Variants in CDH22 observed in about 807,000 individuals in gnomAD.
CDH22 encodes cadherin 22.
CDH22 carries 30 observed loss-of-function variants against 58.4 expected under a neutral mutation model. The ratio of observed to expected loss-of-function variants is 0.51; its 90% CI spans 0.38 to 0.70. CDH22 has a LOEUF of 0.70. Ranked by LOEUF, CDH22 falls within the 30% of genes least tolerant of loss-of-function variation. The pLI is 0.00. For synonymous variants in CDH22, 513 were observed against 558.2 expected (o/e 0.92, Z 1.14); for missense variants, 1,014 against 1,233.9 (o/e 0.82, Z 2.67).
Position 46,241,086 on chromosome 20 carries a change from C to T in CDH22, c.427G>A (p.Ala143Thr), listed in dbSNP as rs972504580. Residue 143 changes from alanine (A) to threonine (T), a missense_variant, in exon 3 of 12, where the codon GCC (alanine) becomes ACC (threonine). Physicochemically the swap from Ala to Thr is moderately conservative, Grantham distance 58. Around this residue, in one of 2 missense-constraint regions of CDH22, gnomAD observed 806 missense variants for 1,038.7 expected, o/e 0.78. Transcript: ENST00000537909. The surrounding 1 kb of genome is among the most constrained non-coding windows in gnomAD (Gnocchi z 5.2). ...TCGGGCTCCAGTAGGCGGTTGGTGGCGCGATCCCGAGCCTGGGCCCGCAGC... is the reference window on the plus strand; with the variant it reads ...TCGGGCTCCAGTAGGCGGTTGGTGGTGCGATCCCGAGCCTGGGCCCGCAGC... The part of the protein sequence containing the change: ...YTLRAQARDR[A>T]TNRLLEPESE... 27 of 1,614,042 alleles carry T rather than the reference C, an allele frequency of 1.7e-5. No homozygotes were observed. Among genetic ancestry groups the T allele is most frequent in the African/African-American group, 6.7e-5 (5 of 74,928 alleles).
In CDH22 at chr20:46,269,673, G is replaced by A. The variant is rs1033967782; in HGVS notation, c.-399-17980C>T. Among the ~76,000 whole-genome samples the A allele has an allele frequency of 1.2e-4, 19 of 152,296 alleles. 1 individual carries two copies. Among genetic ancestry groups the A allele is most frequent in the African/African-American group, 3.4e-4 (14 of 41,562 alleles). On this transcript the variant is annotated intron_variant, in intron 1 of 11. Coordinates refer to ENST00000537909, the MANE Select transcript of CDH22 (RefSeq NM_021248.3). Reference sequence around the variant, plus strand: ...TCCACGTGGCCCGTTGTGGGTGGTTGAGCAGACAGAGGATGCCAAGAGGAG... The same window carrying A: ...TCCACGTGGCCCGTTGTGGGTGGTTAAGCAGACAGAGGATGCCAAGAGGAG...
At chr20:46,240,924 C>T in intron 3 of CDH22, 39 bp downstream of exon 3, 1 of 1,568,486 alleles carries the variant, frequency 6.4e-7, no homozygotes. Context: ...TTGGGGATCA[C>T]CTTGATCCCA....
chr20:46,259,313 G>C (rs1275092736), intron 1 of CDH22, among the ~76,000 whole-genome samples: 1 of 152,096 alleles, frequency 6.6e-6, no homozygotes, highest in Non-Finnish European at 1.5e-5. Context: ...GAACTACTAG[G>C]TACCAAGTTC....
chr20:46,277,144 G>GAA (rs11354476), intron 1 of CDH22, among the ~76,000 whole-genome samples: 3 of 130,500 alleles, frequency 2.3e-5, no homozygotes, highest in Non-Finnish European at 3.4e-5. Context: ...CACCTCTAAA[G>GAA]AAAAAAAAAA....
chr20:46,214,921 G>C (rs1449387958), intron 5 of CDH22, among the ~76,000 whole-genome samples: 2 of 152,394 alleles, frequency 1.3e-5, no homozygotes, highest in African/African-American at 2.4e-5. Flanking sequence ...GTGCCTGGCA[G>C]AATGCCAGGC....
rs774411837 is a variant in CDH22, at chr20:46,241,174, G to A, written c.339C>T (p.Asp113=). The A allele has an allele frequency of 1.5e-5, 24 of 1,614,132 alleles. No homozygotes were observed. The highest frequency in any genetic ancestry group is 8.0e-5 in the African/African-American group (6 of 75,050). ...TGGCATGAATGTCGCCTGTCAGCTC[G>A]TCGATCAGGAAGATGGTCCCAGCAC... The part of the protein sequence containing the change: ...GEGAGTIFLI[D]ELTGDIHAME... Residue 113 remains aspartate, a synonymous_variant, in exon 3 of 12, where the codon GAC becomes GAT. Transcript: ENST00000537909. The surrounding 1 kb of genome is among the most constrained non-coding windows in gnomAD (Gnocchi z 5.2).
Position 46,210,261 on chromosome 20 carries a change from G to A in CDH22, c.1286+46C>T. ...CCCGCAGTCTGTCCGCGGGGGTGAT[G>A]GCGGGATAGCAGGCAGCAGGCGTCG... On this transcript the variant is annotated intron_variant, in intron 7 of 11. Transcript: ENST00000537909. The surrounding 1 kb of genome is among the most constrained non-coding windows in gnomAD (Gnocchi z 4.5). 2.2e-6 allele frequency: 3 copies of A among 1,366,638 alleles called. No homozygotes were observed. Among genetic ancestry groups the A allele is most frequent in the Non-Finnish European group, 2.8e-6 (3 of 1,065,124 alleles). 84.7% of individuals were successfully genotyped at this position (1,366,638 alleles called of 1,614,324 possible).
chr20:46,231,410 G>A (rs1343312840), intron 3 of CDH22, among the ~76,000 whole-genome samples: 2 of 152,202 alleles, frequency 1.3e-5, no homozygotes, highest in Non-Finnish European at 2.9e-5. Flanking sequence ...GACTCTTGGG[G>A]AGGAGCCCAG....
intron 1 of CDH22, among the ~76,000 whole-genome samples, chr20:46,299,198 C>T (rs114211872): frequency 6.1e-4 from 93 of 152,292 alleles, no homozygotes; most frequent in African/African-American, 2.0e-3. Flanking sequence ...CCCTGGTCAA[C>T]GGGGCAACCA....
rs150822018 is a variant in CDH22 at position 46,179,212 on chromosome 20, C to T, written c.1664-1015G>A. On this transcript the variant is annotated intron_variant, in intron 10 of 11. Transcript: ENST00000537909. The stretch of plus-strand genomic sequence containing the variant: ...TGCCCAGAGCTCCGAAGGCTGCTGC[C>T]CCTCCCTTCACAGCCAACTCTGCCA... Among the ~76,000 whole-genome samples the T allele has an allele frequency of 2.8e-3, 434 of 152,348 alleles. 5 individuals are homozygous for T. The East Asian group carries it at 0.029, about 10-fold the overall frequency.
intron 10 of CDH22, among the ~76,000 whole-genome samples, chr20:46,178,874 G>A (rs934422087): frequency 6.6e-6 from 1 of 152,290 alleles, no homozygotes; most frequent in East Asian, 1.9e-4. Context: ...GGCTGGGGGC[G>A]TGGTGAGGGG....
Position 46,199,468 on chromosome 20 carries a change from C to T in CDH22, c.1378G>A (p.Glu460Lys). The change falls in exon 8 of 12, where the codon GAG (glutamate) becomes AAG (lysine). Residue 460 changes from glutamate to lysine, a missense_variant. Coordinates refer to ENST00000537909, the MANE Select transcript of CDH22 (RefSeq NM_021248.3). The stretch of plus-strand genomic sequence containing the variant: ...GTGATGTTGTGCCAGCCGGCCGTCT[C>T]GCGGTCCAGCCCCTTGCCAGTCACG... ...AIVTGKGLDR[E>K]TAGWHNITVL... is the part of the protein sequence containing the mutation. The T allele has an allele frequency of 6.2e-7, 1 of 1,613,774 alleles. No homozygotes were observed. Among genetic ancestry groups the T allele is most frequent in the Non-Finnish European group, 8.5e-7 (1 of 1,180,004 alleles).
chr20:46,218,742 G>A (rs1193198220), intron 4 of CDH22, among the ~76,000 whole-genome samples: 1 of 152,140 alleles, frequency 6.6e-6, no homozygotes, highest in Admixed American at 6.5e-5. Context: ...AAGCAGGGAG[G>A]GCAGCAGGCG....
chr20:46,304,066 A>G (rs1401710217), intron 1 of CDH22, among the ~76,000 whole-genome samples: 1 of 152,136 alleles, frequency 6.6e-6, no homozygotes, highest in African/African-American at 2.4e-5. Context: ...ACTCTAGAAC[A>G]TGTTCCCACA....
intron 3 of CDH22, among the ~76,000 whole-genome samples, chr20:46,237,294 C>G (rs1302514124): frequency 6.6e-6 from 1 of 152,190 alleles, no homozygotes; most frequent in Non-Finnish European, 1.5e-5. Flanking sequence ...TGCCCCTGCT[C>G]AGAAGCGTGG....
chr20:46,244,570 T>C (rs2086315063), intron 2 of CDH22, among the ~76,000 whole-genome samples: 1 of 152,200 alleles, frequency 6.6e-6, no homozygotes, highest in African/African-American at 2.4e-5. Context: ...CAACTTGACT[T>C]TGTGGGGTTT....
At position 46,174,567 on chromosome 20, in the gene CDH22, A is replaced by G; in HGVS notation, c.2426T>C (p.Phe809Ser). Residue 809 changes from phenylalanine to serine, a missense_variant, in exon 12 of 12, where the codon TTC becomes TCC. Phe to Ser is a radical substitution (Grantham distance 155, BLOSUM62 -2). Coordinates refer to ENST00000537909, the MANE Select transcript of CDH22 (RefSeq NM_021248.3). The surrounding 1 kb of genome is among the most constrained non-coding windows in gnomAD (Gnocchi z 4.4). ...FAYLSSWGPR[F>S]RPLAALYAGH... ...GGCGTAGAGCGCGGCCAGGGGCCGG[A>G]AGCGCGGACCCCAGCTGCTGAGATA... The G allele has an allele frequency of 6.5e-7, 1 of 1,528,272 alleles. No individual in the cohort carries two copies. Among genetic ancestry groups the G allele is most frequent in the South Asian group, 1.2e-5 (1 of 82,720 alleles). 94.7% of individuals were successfully genotyped at this position (1,528,272 alleles called of 1,614,324 possible).
At chr20:46,303,042 C>T (rs992740791) in intron 1 of CDH22, among the ~76,000 whole-genome samples, 2 of 152,188 alleles carry the variant, frequency 1.3e-5, no homozygotes, top group Non-Finnish European at 2.9e-5. Flanking sequence ...ACGCGCCACT[C>T]CCCTGCTGAA....
chr20:46,274,827 C>CA (rs3091883), intron 1 of CDH22, among the ~76,000 whole-genome samples: 54,160 of 140,238 alleles, frequency 0.39, 10,867 homozygotes, highest in Middle Eastern at 0.58. Context: ...GAGCCAGATG[C>CA]AAAAAAAAAA....
Sources: gnomAD v4.1 joint callset for allele counts (sites outside exome capture counted in the v4.1 genomes callset) on GRCh38, gnomAD v4.1.1 for gene constraint, gnomAD v4.1.1 regional missense constraint, Gnocchi (gnomAD v3.1) non-coding constraint, MANE v1.5 for transcripts, NCBI Gene and HGNC (gene_info 2026-07-23, HGNC 2026-07-21) for gene names.